ITGA2: variants seen among roughly 807,000 people sequenced by gnomAD.
The protein encoded by ITGA2 is integrin alpha-2.
ITGA2 carries 101 observed loss-of-function variants against 146.3 expected under a neutral mutation model. The ratio of observed to expected loss-of-function variants is 0.69; its 90% CI spans 0.59 to 0.81. The LOEUF (loss-of-function observed/expected upper bound fraction) is 0.81, where lower values mean the gene tolerates loss of function less well. ITGA2 is among the 40% of genes least tolerant of loss of function. The pLI is 0.00. For synonymous variants in ITGA2, 477 were observed against 487.1 expected (o/e 0.98, Z 0.27); for missense variants, 1,281 against 1,402.7 (o/e 0.91, Z 1.39).
intron 27 of ITGA2, among the ~76,000 whole-genome samples, chr5:53,085,421 T>A (rs1254811785): frequency 6.6e-6 from 1 of 152,228 alleles, no homozygotes; most frequent in African/African-American, 2.4e-5. Flanking sequence ...CAGGATATTG[T>A]ATGCCTGTGA....
chr5:53,090,728 A>T lies in ITGA2; in HGVS notation c.*129A>T. Reference sequence around the variant, plus strand: ...GTAGGTAAACTAACCTGGTATTTTAAGAGAAAACTGCAGGTCAGTTTGGAA... The same window carrying T: ...GTAGGTAAACTAACCTGGTATTTTATGAGAAAACTGCAGGTCAGTTTGGAA... On this transcript the variant is annotated 3_prime_UTR_variant, in exon 30 of 30. Coordinates refer to ENST00000296585, the MANE Select transcript of ITGA2 (RefSeq NM_002203.4). The T allele has an allele frequency of 1.8e-6, 1 of 550,504 alleles. No individual in the cohort carries two copies. The highest frequency in any genetic ancestry group is 3.3e-6 in the Non-Finnish European group (1 of 299,016). 34.1% of individuals were successfully genotyped at this position (550,504 alleles called of 1,614,324 possible).
chr5:53,062,857 G>T lies in ITGA2; in HGVS notation c.1530G>T (p.Leu510Phe), dbSNP rs2111968256. The T allele has an allele frequency of 4.3e-6, 7 of 1,611,272 alleles. No individual in the cohort carries two copies. The highest frequency in any genetic ancestry group is 5.9e-6 in the Non-Finnish European group (7 of 1,178,220). The change falls in exon 13 of 30, where the codon TTG becomes TTT. Residue 510 changes from leucine to phenylalanine, a missense_variant. Leu to Phe is a conservative substitution (Grantham distance 22). This residue lies in a region of ITGA2 where 795 missense variants were observed against 841.7 expected (regional missense o/e 0.94). Transcript: ENST00000296585. ...AAGACACCATTACAGACGTGCTCTTGGTAGGTGCACCAATGTACATGAGTG... is the reference window on the plus strand; with the variant it reads ...AAGACACCATTACAGACGTGCTCTTTGTAGGTGCACCAATGTACATGAGTG... Reference protein sequence around the residue: ...VDKDTITDVLLVGAPMYMSDL... With the variant: ...VDKDTITDVLFVGAPMYMSDL...
At chr5:53,046,128 T>C (rs915419768) in intron 4 of ITGA2, among the ~76,000 whole-genome samples, 10 of 147,258 alleles carry the variant, frequency 6.8e-5, no homozygotes, top group Admixed American at 1.4e-4. Context: ...GAGGCAAAAG[T>C]TGCATGCACT....
At chr5:53,036,773 T>C (rs1328630791) in intron 2 of ITGA2, among the ~76,000 whole-genome samples, 1 of 152,140 alleles carries the variant, frequency 6.6e-6, no homozygotes, top group Non-Finnish European at 1.5e-5. Context: ...ACTGATTTAT[T>C]CACTAGTATA....
intron 6 of ITGA2, among the ~76,000 whole-genome samples, chr5:53,050,107 A>G (rs1744280721): frequency 6.6e-6 from 1 of 152,178 alleles, no homozygotes; most frequent in Non-Finnish European, 1.5e-5. Flanking sequence ...ATAAGTTTTC[A>G]TATGTATCTC....
chr5:53,000,897 G>GT (rs369482288), intron 1 of ITGA2, among the ~76,000 whole-genome samples: 12,036 of 97,134 alleles, frequency 0.12, 961 homozygotes, highest in Middle Eastern at 0.14. Context: ...TTTTCTTTTT[G>GT]TTTTTTTTTT....
intron 15 of ITGA2, among the ~76,000 whole-genome samples, chr5:53,066,347 A>G (rs1428356059): frequency 6.6e-6 from 1 of 151,834 alleles, no homozygotes; most frequent in Non-Finnish European, 1.5e-5. Flanking sequence ...CAGACCACAC[A>G]AGTAAAGTGT....
At chr5:53,036,832 C>A (rs970878497) in intron 2 of ITGA2, among the ~76,000 whole-genome samples, 6 of 152,124 alleles carry the variant, frequency 3.9e-5, no homozygotes, top group Non-Finnish European at 7.4e-5. Flanking sequence ...CTGGCCACCA[C>A]GTATAGACTC....
At chr5:53,041,973 C>A in intron 2 of ITGA2, 139 bp from the exon 3 acceptor site, 1 of 664,396 alleles carries the variant, frequency 1.5e-6, no homozygotes, top group South Asian at 1.6e-5. Flanking sequence ...AGCAGAAAGG[C>A]AGCAGGTCAA....
chr5:53,094,014 G>GTGA lies in ITGA2; in HGVS notation c.*3417_*3419dup, dbSNP rs748160673. 19 of 152,570 alleles carry GTGA rather than the reference G, an allele frequency of 1.2e-4. No homozygotes were observed. Among genetic ancestry groups the GTGA allele is most frequent in the African/African-American group, 4.3e-4 (18 of 41,508 alleles). 9.5% of individuals were successfully genotyped at this position (152,570 alleles called of 1,614,324 possible). On this transcript the variant is annotated 3_prime_UTR_variant, in exon 30 of 30. Transcript: ENST00000296585. ...AAGCCAATTTATTATAGTCACACAA[G>GTGA]TGATTATACTAAAAATTATTATAAA...
intron 10 of ITGA2, among the ~76,000 whole-genome samples, chr5:53,059,497 C>T (rs1290121056): frequency 1.3e-5 from 2 of 151,834 alleles, no homozygotes. Context: ...TGTGAGCTTT[C>T]CTTATAAATA....
chr5:53,008,091 TATC>T (rs1245664311), intron 1 of ITGA2, among the ~76,000 whole-genome samples: 1 of 152,108 alleles, frequency 6.6e-6, no homozygotes, highest in African/African-American at 2.4e-5. Flanking sequence ...CAGCTCGGGT[TATC>T]ATAACAAAAT....
intron 2 of ITGA2, 114 bp from the exon 3 acceptor site, chr5:53,041,998 A>G (rs538982519): frequency 1.3e-6 from 1 of 754,486 alleles, no homozygotes; most frequent in Admixed American, 1.9e-5. Context: ...TAGCTGAACA[A>G]ATATAAACTG....
At chr5:53,014,065 C>T (rs1478117165) in intron 1 of ITGA2, among the ~76,000 whole-genome samples, 5 of 152,010 alleles carry the variant, frequency 3.3e-5, no homozygotes, top group African/African-American at 9.7e-5. Flanking sequence ...GTTTGACTTC[C>T]TCTTTTTCTA....
chr5:53,083,052 A>C (rs1746000513), intron 26 of ITGA2, among the ~76,000 whole-genome samples: 1 of 152,142 alleles, frequency 6.6e-6, no homozygotes, highest in African/African-American at 2.4e-5. Flanking sequence ...TAGTGCAATA[A>C]ACAGGCTTGG....
chr5:53,054,395 C>T (rs1167402519), intron 7 of ITGA2, among the ~76,000 whole-genome samples: 1 of 152,088 alleles, frequency 6.6e-6, no homozygotes, highest in African/African-American at 2.4e-5. Flanking sequence ...ACATAGAATG[C>T]TCTGATTTTT....
chr5:53,019,530 T>A (rs776624828), intron 1 of ITGA2, among the ~76,000 whole-genome samples: 25 of 152,048 alleles, frequency 1.6e-4, no homozygotes, highest in Non-Finnish European at 3.7e-4. Flanking sequence ...GAGTCACCCT[T>A]ATTTATTTAT....
intron 1 of ITGA2, among the ~76,000 whole-genome samples, chr5:53,019,969 G>A (rs1252875706): frequency 6.6e-6 from 1 of 152,010 alleles, no homozygotes; most frequent in East Asian, 1.9e-4. Context: ...TGTTATTATA[G>A]GTATGTATAT....
In ITGA2 at chr5:53,094,558, CTG is replaced by C. The variant is rs1034262852; in HGVS notation, c.*3961_*3962del. ...TGTGTTTTGCCTCTTTCCACAAAAA[CTG>C]TAAAAATAAATGCATGTTTGTACAA... On this transcript the variant is annotated 3_prime_UTR_variant, in exon 30 of 30. Transcript: ENST00000296585. The C allele has an allele frequency of 6.6e-5, 10 of 152,100 alleles. No individual in the cohort carries two copies. Among genetic ancestry groups the C allele is most frequent in the South Asian group, 6.2e-4 (3 of 4,832 alleles). 9.4% of individuals were successfully genotyped at this position (152,100 alleles called of 1,614,324 possible). A position where few individuals can be genotyped will look rare whatever the true frequency, so the allele number is the denominator to read the frequency against.
Sources: allele counts gnomAD v4.1 joint callset (sites outside exome capture counted in the v4.1 genomes callset), GRCh38; gene constraint gnomAD v4.1.1; regional missense constraint gnomAD v4.1.1; transcripts MANE v1.5; gene names NCBI Gene and HGNC (gene_info 2026-07-23, HGNC 2026-07-21).